The following PSMA3 variants were observed in gnomAD, a reference collection of about 807,000 sequenced individuals.
PSMA3 encodes the protein proteasome subunit alpha type-3.
In PSMA3, 8 loss-of-function variants were observed where a neutral mutation model predicts 40.0. The ratio of observed to expected loss-of-function variants is 0.20; its 90% CI spans 0.12 to 0.36. The LOEUF (loss-of-function observed/expected upper bound fraction) is 0.36, where lower values mean the gene tolerates loss of function less well. Ranked by LOEUF, PSMA3 falls within the 10% of genes least tolerant of loss-of-function variation. The probability of loss-of-function intolerance (pLI) is 1.00; values close to 1 mark genes in which losing one functional copy is unlikely to be tolerated. For synonymous variants in PSMA3, 110 were observed against 100.0 expected (o/e 1.10, Z -0.59); for missense variants, 219 against 310.6 (o/e 0.70, Z 2.22).
chr14:58,254,340 A>ATATGTATGTATG lies in PSMA3; in HGVS notation c.228+2108_228+2109insTGTATGTATGTA. On this transcript the variant is annotated intron_variant, in intron 3 of 10. Transcript: ENST00000216455. ...TGAAAAAAATTATGCATGCATATATATATGTATGTACACACACACAGAGGT... is the reference window on the plus strand; with the variant it reads ...TGAAAAAAATTATGCATGCATATATATATGTATGTATGTATGTATGTACACACACACAGAGGT... Among the ~76,000 whole-genome samples, 2 of 34,798 alleles carry ATATGTATGTATG rather than the reference A, an allele frequency of 5.7e-5. 1 individual carries two copies. Among genetic ancestry groups the ATATGTATGTATG allele is most frequent in the South Asian group, 2.4e-3 (2 of 830 alleles). The allele number at this position is 34,798 out of a possible 152,430, so 22.8% of individuals were successfully genotyped here. A position where few individuals can be genotyped will look rare whatever the true frequency, so the allele number is the denominator to read the frequency against.
intron 10 of PSMA3, 130 bp downstream of exon 10, chr14:58,271,128 A>C (rs945160565): frequency 2.8e-5 from 14 of 505,370 alleles, no homozygotes; most frequent in Non-Finnish European, 3.7e-5. Context: ...AAATTCTCTA[A>C]CCAAAATTAT....
chr14:58,264,426 A>C (rs1339708301), intron 7 of PSMA3, among the ~76,000 whole-genome samples: 1 of 152,178 alleles, frequency 6.6e-6, no homozygotes, highest in African/African-American at 2.4e-5. Flanking sequence ...AAGTTTTCTT[A>C]AAAACTTGGT....
intron 1 of PSMA3, among the ~76,000 whole-genome samples, chr14:58,246,428 C>G (rs993275921): frequency 6.6e-6 from 1 of 152,178 alleles, no homozygotes; most frequent in African/African-American, 2.4e-5. Context: ...GAGACGGAGT[C>G]TTGCTCTGTT....
intron 2 of PSMA3, among the ~76,000 whole-genome samples, chr14:58,251,320 C>G (rs991788562): frequency 1.3e-5 from 2 of 152,194 alleles, no homozygotes; most frequent in African/African-American, 2.4e-5. Flanking sequence ...GGGTCTCACT[C>G]TGTTGCACAG....
intron 10 of PSMA3, 72 bp from the exon 11 acceptor site, chr14:58,271,779 C>A: frequency 9.1e-7 from 1 of 1,098,430 alleles, no homozygotes; most frequent in Non-Finnish European, 1.4e-6. Context: ...GTTGTTGTAG[C>A]TTAACTTGCC....
chr14:58,258,815 A>G (rs1890205994), intron 5 of PSMA3, among the ~76,000 whole-genome samples: 1 of 151,400 alleles, frequency 6.6e-6, no homozygotes, highest in Non-Finnish European at 1.5e-5. Context: ...AAAATAATAC[A>G]TATACTAACA....
chr14:58,263,598 T>G (rs1890345219), intron 6 of PSMA3, 107 bp from the exon 7 acceptor site: 1 of 877,156 alleles, frequency 1.1e-6, no homozygotes, highest in East Asian at 2.8e-5. Context: ...TACTTGCTTT[T>G]AAAAGTCATT....
At chr14:58,267,812 C>G (rs1232696491) in intron 8 of PSMA3, 3 of 233,132 alleles carry the variant, frequency 1.3e-5, no homozygotes, top group South Asian at 1.5e-4. Flanking sequence ...CTTCTCAAAT[C>G]TCTTAAGTCC....
intron 8 of PSMA3, 30 bp from the exon 9 acceptor site, chr14:58,270,388 A>G (rs752684028): frequency 5.6e-6 from 9 of 1,611,926 alleles, no homozygotes; most frequent in East Asian, 4.5e-5. Context: ...GGAGGTTACC[A>G]AAATCTTACC....
At chr14:58,261,201 G>C (rs1169148214) in intron 6 of PSMA3, among the ~76,000 whole-genome samples, 181 bp downstream of exon 6, 2 of 142,370 alleles carry the variant, frequency 1.4e-5, no homozygotes, top group Admixed American at 7.1e-5. Context: ...TTCCTTTTTG[G>C]GGGAACAGGG....
At chr14:58,266,094 CTT>C (rs1388226295) in intron 7 of PSMA3, 1 of 152,144 alleles carries the variant, frequency 6.6e-6, no homozygotes, top group African/African-American at 2.4e-5. Flanking sequence ...TTCCTTAGAA[CTT>C]TTAGTCTTTT....
chr14:58,245,362 G>T (rs1889856451), intron 1 of PSMA3: 6 of 201,306 alleles, frequency 3.0e-5, no homozygotes. Flanking sequence ...CAGTTCCTAG[G>T]GTGCTGCTGA....
chr14:58,254,425 G>A (rs957651648), intron 3 of PSMA3, among the ~76,000 whole-genome samples: 5 of 143,292 alleles, frequency 3.5e-5, no homozygotes, highest in African/African-American at 5.2e-5. Context: ...GCAGCCTTGC[G>A]CTCCTGGGCT....
intron 10 of PSMA3, among the ~76,000 whole-genome samples, chr14:58,271,232 A>G (rs769051130): frequency 6.9e-6 from 1 of 145,490 alleles, no homozygotes; most frequent in Non-Finnish European, 1.5e-5. Context: ...GGTTATCTCT[A>G]GTGGGTAAAG....
rs572294035 is a variant in PSMA3 at position 58,258,044 on chromosome 14, ATATT to A, written c.404+51_404+54del. On this transcript the variant is annotated intron_variant, in intron 5 of 10. Coordinates refer to ENST00000216455, the MANE Select transcript of PSMA3 (RefSeq NM_002788.4). ...TTCAAAAGGCAGATCTGTACTATAG[ATATT>A]TATTATGTTCCCCAGCATCTTAGCC... 5.0e-5 allele frequency: 70 copies of A among 1,411,860 alleles called. No homozygotes were observed. In the African/African-American group the frequency reaches 5.4e-4, roughly 11 times the overall value. 87.5% of individuals were successfully genotyped at this position (1,411,860 alleles called of 1,614,324 possible).
chr14:58,269,786 C>A (rs1219269925), intron 8 of PSMA3: 2 of 151,962 alleles, frequency 1.3e-5, no homozygotes, highest in Non-Finnish European at 1.5e-5. Context: ...TCTAAAAGGG[C>A]ACAGTTAATG....
At chr14:58,255,982 G>T (rs117749108) in intron 3 of PSMA3, among the ~76,000 whole-genome samples, 8,589 of 151,928 alleles carry the variant, frequency 0.057, 336 homozygotes, top group South Asian at 0.16. Context: ...GCTCAGCCTT[G>T]GGAGTAGGTA....
At chr14:58,245,145 T>G in intron 1 of PSMA3, 1 of 626,736 alleles carries the variant, frequency 1.6e-6, no homozygotes, top group East Asian at 2.8e-5. Context: ...CTCCTGAAGC[T>G]TTTCAGCGCA....
chr14:58,263,771 GTAA>G lies in PSMA3; in HGVS notation c.543+6_543+8del. The G allele has an allele frequency of 6.2e-7, 1 of 1,613,472 alleles. No individual in the cohort carries two copies. The highest frequency in any genetic ancestry group is 8.5e-7 in the Non-Finnish European group (1 of 1,179,550). On this transcript the variant is annotated splice_donor_variant and splice_donor_region_variant and intron_variant, in intron 7 of 10. Transcript: ENST00000216455. LOFTEE classifies it high-confidence loss of function. Reference sequence around the variant, plus strand: ...AAAGACGGAAATAGAGAAGCTTCAGGTAATAATTAATGCTTGAATTTTTACTAT... The same window carrying G: ...AAAGACGGAAATAGAGAAGCTTCAGGTAATTAATGCTTGAATTTTTACTAT...
Sources: gnomAD v4.1 joint callset for allele counts (sites outside exome capture counted in the v4.1 genomes callset) on GRCh38, gnomAD v4.1.1 for gene constraint, MANE v1.5 for transcripts, NCBI Gene and HGNC (gene_info 2026-07-23, HGNC 2026-07-21) for gene names.